Variants in RUFY3 observed in about 807,000 individuals in gnomAD.
RUFY3 encodes the protein protein RUFY3.
In RUFY3, 34 loss-of-function variants were observed where a neutral mutation model predicts 84.0. That is an observed-to-expected ratio of 0.40 (90% CI 0.31 to 0.54). RUFY3 has a LOEUF of 0.54. RUFY3 is among the 20% of genes least tolerant of loss of function. The pLI is 0.39. For missense variants in RUFY3, 507 were observed against 736.8 expected (o/e 0.69, Z 3.61); for synonymous variants, 242 against 252.9 (o/e 0.96, Z 0.41).
At chr4:70,789,448 T>G (rs1234468388) in intron 11 of RUFY3, 47 bp from the exon 12 acceptor site, 2 of 1,528,832 alleles carry the variant, frequency 1.3e-6, no homozygotes, top group Non-Finnish European at 1.8e-6. Context: ...TGGTTGTATT[T>G]TAGGATTTAT....
intron 7 of RUFY3, among the ~76,000 whole-genome samples, chr4:70,777,773 G>C (rs1560537716): frequency 6.6e-6 from 1 of 152,096 alleles, no homozygotes; most frequent in Non-Finnish European, 1.5e-5. Flanking sequence ...AAGAGGGTTT[G>C]GTGCATGTAA....
At chr4:70,705,928 A>G (rs1396379849) in intron 1 of RUFY3, among the ~76,000 whole-genome samples, 1 of 152,230 alleles carries the variant, frequency 6.6e-6, no homozygotes, top group Non-Finnish European at 1.5e-5. Context: ...GAAGACAAGA[A>G]GGGAATGTGT....
chr4:70,707,569 G>C (rs1366843401), intron 1 of RUFY3, among the ~76,000 whole-genome samples: 1 of 152,026 alleles, frequency 6.6e-6, no homozygotes, highest in Non-Finnish European at 1.5e-5. Context: ...TTGTTACCAC[G>C]TAAGTTCTAA....
At chr4:70,734,154 C>G (rs1255035792) in intron 1 of RUFY3, among the ~76,000 whole-genome samples, 3 of 152,052 alleles carry the variant, frequency 2.0e-5, no homozygotes, top group Non-Finnish European at 4.4e-5. Context: ...CTGGCATGCT[C>G]TGTTTTCATA....
chr4:70,754,123 G>A (rs1723589778), intron 1 of RUFY3, among the ~76,000 whole-genome samples: 1 of 151,874 alleles, frequency 6.6e-6, no homozygotes, highest in African/African-American at 2.4e-5. Flanking sequence ...CACAATCTTG[G>A]CTCACTGCAG....
intron 7 of RUFY3, among the ~76,000 whole-genome samples, chr4:70,777,107 T>C (rs1343187791): frequency 6.6e-6 from 1 of 152,218 alleles, no homozygotes; most frequent in East Asian, 1.9e-4. Context: ...AAAATCCTTA[T>C]TTACATGTAA....
At chr4:70,779,566 C>T (rs1408029113) in intron 8 of RUFY3, among the ~76,000 whole-genome samples, 1 of 151,256 alleles carries the variant, frequency 6.6e-6, no homozygotes, top group East Asian at 1.9e-4. Context: ...AAAGAGTTTA[C>T]CTTCCTTATT....
chr4:70,761,097 C>T (rs534980657), intron 1 of RUFY3, among the ~76,000 whole-genome samples: 2 of 152,202 alleles, frequency 1.3e-5, no homozygotes, highest in South Asian at 2.1e-4. Context: ...TTTTAGTCTT[C>T]CTAAGAAGAA....
exon 1 of RUFY3, chr4:70,704,930 A>G (rs1740081214): frequency 1.6e-6 from 2 of 1,215,538 alleles, no homozygotes; most frequent in African/African-American, 1.6e-5. Context: ...CGAAGGAAGG[A>G]GTGAGCATGG....
At position 70,793,824 on chromosome 4, in the gene RUFY3, G is replaced by A. The variant is rs764825360; in HGVS notation, c.1377G>A (p.Leu459=). ...AGCGAAGCCGCCAATCTGCTGAGTT[G>A]GACAACCGGCTCTTCAAACAGGACT... ...QAERSRQSAE[L]DNRLFKQDFG... The change falls in exon 13 of 18, where the codon TTG becomes TTA. Residue 459 remains leucine, a synonymous_variant. Transcript: ENST00000381006. 5 of 1,614,086 alleles carry A rather than the reference G, an allele frequency of 3.1e-6. No homozygotes were observed. The South Asian group carries it at 3.3e-5, about 11-fold the overall frequency.
intron 1 of RUFY3, among the ~76,000 whole-genome samples, chr4:70,732,107 A>G (rs1719371141): frequency 3.3e-5 from 5 of 152,162 alleles, no homozygotes; most frequent in Non-Finnish European, 2.9e-5. Flanking sequence ...TGCCCGTGTT[A>G]TATCAGGAAG....
chr4:70,802,245 G>A (rs146416129), intron 15 of RUFY3, among the ~76,000 whole-genome samples: 11 of 152,272 alleles, frequency 7.2e-5, no homozygotes, highest in Non-Finnish European at 1.5e-4. Flanking sequence ...CTGGGATTAT[G>A]ATGGCAAGGA....
At chr4:70,735,537 T>G (rs1720123540) in intron 1 of RUFY3, among the ~76,000 whole-genome samples, 1 of 151,960 alleles carries the variant, frequency 6.6e-6, no homozygotes, top group African/African-American at 2.4e-5. Flanking sequence ...GTGTTGAAAA[T>G]AGTGTTTTCA....
chr4:70,793,037 C>T, intron 12 of RUFY3: 1 of 985,300 alleles, frequency 1.0e-6, no homozygotes, highest in Non-Finnish European at 1.2e-6. Context: ...GCCCCAAGTG[C>T]TTTACCTTCT....
chr4:70,758,931 G>A (rs1325069340), intron 1 of RUFY3, among the ~76,000 whole-genome samples: 2 of 151,990 alleles, frequency 1.3e-5, no homozygotes, highest in Non-Finnish European at 2.9e-5. Flanking sequence ...CCAGCTACTC[G>A]GGAGGCCGAG....
chr4:70,763,516 G>A, intron 2 of RUFY3, 36 bp from the exon 3 acceptor site: 1 of 1,553,542 alleles, frequency 6.4e-7, no homozygotes, highest in Non-Finnish European at 8.8e-7. Context: ...ATGTTGTAAA[G>A]AATATTAAAA....
intron 1 of RUFY3, among the ~76,000 whole-genome samples, chr4:70,710,914 A>T (rs1006487156): frequency 1.3e-5 from 2 of 151,422 alleles, no homozygotes; most frequent in Admixed American, 1.3e-4. Flanking sequence ...AATACAAAAA[A>T]ATTAGCCAGG....
In RUFY3 at chr4:70,806,844, C is replaced by A; in HGVS notation, c.*185C>A. On this transcript the variant is annotated 3_prime_UTR_variant, in exon 18 of 18. Coordinates refer to ENST00000381006, the MANE Select transcript of RUFY3 (RefSeq NM_001037442.4). ...AAATTTTGCTCATTTTCTCTAATGA[C>A]TGTATGAATAAAAGTGAACTTACTT... The A allele has an allele frequency of 1.7e-6, 1 of 591,282 alleles. No individual in the cohort carries two copies. The allele number at this position is 591,282 out of a possible 1,614,324, so 36.6% of individuals were successfully genotyped here.
intron 9 of RUFY3, among the ~76,000 whole-genome samples, chr4:70,784,308 C>T (rs1729421264): frequency 6.6e-6 from 1 of 152,122 alleles, no homozygotes; most frequent in Admixed American, 6.5e-5. Flanking sequence ...CGTGGTGAAA[C>T]CCCGTCTCTA....
Sources: gnomAD v4.1 joint callset for allele counts (sites outside exome capture counted in the v4.1 genomes callset) on GRCh38, gnomAD v4.1.1 for gene constraint, MANE v1.5 for transcripts, NCBI Gene and HGNC (gene_info 2026-07-23, HGNC 2026-07-21) for gene names.